NTM: variants seen among roughly 807,000 people sequenced by gnomAD.
NTM encodes the protein IgLON family member 2.
NTM carries 13 observed loss-of-function variants against 42.1 expected under a neutral mutation model. That is an observed-to-expected ratio of 0.31 (90% CI 0.20 to 0.49). NTM has a LOEUF of 0.49. Among genes scored for constraint, NTM ranks in the 20% least tolerant of loss-of-function variants. NTM has a pLI of 0.99. For missense variants in NTM, 373 were observed against 452.8 expected, an observed-to-expected ratio of 0.82 and a Z score of 1.60; for synonymous variants, 187 against 179.2, an observed-to-expected ratio of 1.04 and a Z score of -0.35.
intron 1 of NTM, among the ~76,000 whole-genome samples, chr11:131,589,167 A>ATGTTTGTG (rs1555158907): frequency 1.4e-5 from 2 of 143,508 alleles, no homozygotes; most frequent in African/African-American, 5.2e-5. Context: ...ACCTGGAAAA[A>ATGTTTGTG]TGTGTGTGTG....
chr11:131,812,998 A>G (rs1200675628), intron 1 of NTM, among the ~76,000 whole-genome samples: 2 of 152,176 alleles, frequency 1.3e-5, no homozygotes, highest in Non-Finnish European at 2.9e-5. Flanking sequence ...GGTTTTTATG[A>G]CAACGTTTCA....
chr11:132,103,407 A>T (rs981752071), intron 2 of NTM, among the ~76,000 whole-genome samples: 29 of 152,224 alleles, frequency 1.9e-4, no homozygotes, highest in Non-Finnish European at 2.9e-4. Flanking sequence ...ACCACTACAA[A>T]TACAGTCTCC....
At chr11:131,970,538 A>G (rs925979194) in intron 2 of NTM, among the ~76,000 whole-genome samples, 1 of 152,246 alleles carries the variant, frequency 6.6e-6, no homozygotes, top group Non-Finnish European at 1.5e-5. Flanking sequence ...ACCTGCAGAC[A>G]GAGGCAGCAG....
intron 1 of NTM, among the ~76,000 whole-genome samples, chr11:131,892,943 T>C (rs1020150984): frequency 6.6e-6 from 1 of 152,174 alleles, no homozygotes; most frequent in Non-Finnish European, 1.5e-5. Context: ...ATACCCTTTC[T>C]CTCCCTTACA....
At chr11:132,313,599 G>A (rs139416828) in intron 6 of NTM, among the ~76,000 whole-genome samples, 5 of 152,248 alleles carry the variant, frequency 3.3e-5, no homozygotes, top group East Asian at 3.9e-4. Flanking sequence ...TGGACATTTC[G>A]GAATCTTGCA....
intron 1 of NTM, among the ~76,000 whole-genome samples, chr11:131,508,215 G>T (rs1439402011): frequency 6.9e-6 from 1 of 145,916 alleles, no homozygotes; most frequent in Non-Finnish European, 1.5e-5. Flanking sequence ...CCATCAAAAA[G>T]TGGGCGAAGG....
chr11:131,436,874 T>C (rs1287689055), intron 1 of NTM, among the ~76,000 whole-genome samples: 1 of 152,174 alleles, frequency 6.6e-6, no homozygotes, highest in African/African-American at 2.4e-5. Context: ...AATTGTGATG[T>C]TAGGGTGTCA....
chr11:131,789,919 G>T (rs1396936612), intron 1 of NTM, among the ~76,000 whole-genome samples: 3 of 123,596 alleles, frequency 2.4e-5, no homozygotes, highest in Non-Finnish European at 4.7e-5. Context: ...TCGCGCCACT[G>T]CACTCCAGCC....
Position 131,401,842 on chromosome 11 carries a change from A to G in NTM, c.82+30954A>G, listed in dbSNP as rs1206466957. On this transcript the variant is annotated intron_variant, in intron 1 of 8. Coordinates refer to ENST00000683400, the MANE Select transcript of NTM (RefSeq NM_001352005.2). ...TATATATATATATATATATATATAT[A>G]TATATATATATATATATATTTTAAT... 6.3e-4 allele frequency among the ~76,000 whole-genome samples: 63 copies of G among 100,290 alleles called. 3 individuals carry two copies. In the South Asian group the frequency reaches 9.0e-3, roughly 14 times the overall value. The allele number at this position is 100,290 out of a possible 152,430, so 65.8% of individuals were successfully genotyped here.
At chr11:131,767,267 C>A in intron 1 of NTM, 1 of 322,002 alleles carries the variant, frequency 3.1e-6, no homozygotes, top group Non-Finnish European at 4.5e-6. Context: ...ACAAGAATAT[C>A]CATGCTTTGG....
intron 1 of NTM, among the ~76,000 whole-genome samples, chr11:131,589,172 TGTG>T (rs1565673024): frequency 2.2e-4 from 32 of 146,728 alleles, no homozygotes; most frequent in Middle Eastern, 3.4e-3. Context: ...GAAAAATGTG[TGTG>T]TGTGTGTGTG....
intron 2 of NTM, among the ~76,000 whole-genome samples, chr11:132,062,600 G>A (rs2080851838): frequency 6.6e-6 from 1 of 152,020 alleles, no homozygotes; most frequent in African/African-American, 2.4e-5. Context: ...AGTATGTTGG[G>A]CCACAAACAT....
intron 1 of NTM, among the ~76,000 whole-genome samples, chr11:131,648,630 G>A (rs1161499296): frequency 6.6e-6 from 1 of 152,126 alleles, no homozygotes; most frequent in Non-Finnish European, 1.5e-5. Context: ...ATTGTGTCCT[G>A]CGACAAGTAC....
intron 1 of NTM, among the ~76,000 whole-genome samples, chr11:131,866,780 A>AT (rs1461985942): frequency 6.6e-6 from 1 of 152,082 alleles, no homozygotes; most frequent in Non-Finnish European, 1.5e-5. Flanking sequence ...TGGGAATGGC[A>AT]TTTTTCTTAA....
chr11:131,577,710 T>C (rs1246796923), intron 1 of NTM, among the ~76,000 whole-genome samples: 5 of 152,238 alleles, frequency 3.3e-5, no homozygotes, highest in Non-Finnish European at 7.3e-5. Context: ...CTCTGCAGGA[T>C]GCAGCTTCAA....
At chr11:131,874,238 A>G (rs2048274416) in intron 1 of NTM, among the ~76,000 whole-genome samples, 1 of 151,294 alleles carries the variant, frequency 6.6e-6, no homozygotes. Flanking sequence ...GGGATGAGTC[A>G]TTTTGACTGA....
chr11:131,889,126 A>G (rs980225558), intron 1 of NTM, among the ~76,000 whole-genome samples: 1 of 152,240 alleles, frequency 6.6e-6, no homozygotes, highest in African/African-American at 2.4e-5. Flanking sequence ...AGAAAATAAA[A>G]TGATGGTTCA....
intron 1 of NTM, among the ~76,000 whole-genome samples, chr11:131,745,318 G>A (rs1024590345): frequency 6.6e-6 from 1 of 152,222 alleles, no homozygotes; most frequent in African/African-American, 2.4e-5. Flanking sequence ...GACAGGTGAA[G>A]GGCACTGCTC....
At chr11:132,289,111 G>T in intron 4 of NTM, among the ~76,000 whole-genome samples, 1 of 152,076 alleles carries the variant, frequency 6.6e-6, no homozygotes, top group Non-Finnish European at 1.5e-5. Context: ...CCTTTACTTT[G>T]CAGGGCATAG....
Sources: gnomAD v4.1 joint callset for allele counts (sites outside exome capture counted in the v4.1 genomes callset) on GRCh38, gnomAD v4.1.1 for gene constraint, MANE v1.5 for transcripts, NCBI Gene and HGNC (gene_info 2026-07-23, HGNC 2026-07-21) for gene names.